The following GRIK4 variants were observed in gnomAD, a reference collection of about 807,000 sequenced individuals.
GRIK4 encodes glutamate receptor ionotropic, kainate 4.
GRIK4 carries 40 observed loss-of-function variants against 104.9 expected under a neutral mutation model. The observed-to-expected ratio is 0.38, with a 90% CI of 0.30 to 0.50. The LOEUF (loss-of-function observed/expected upper bound fraction) is 0.50. GRIK4 is among the 20% of genes least tolerant of loss of function. The pLI, the probability that GRIK4 is intolerant of heterozygous loss-of-function variation, is 0.93. For missense variants in GRIK4, 1,047 were observed against 1,308.1 expected, an observed-to-expected ratio of 0.80 and a Z score of 3.08; for synonymous variants, 485 against 524.9, an observed-to-expected ratio of 0.92 and a Z score of 1.04.
At chr11:120,870,526 A>T (rs1031628160) in intron 9 of GRIK4, 1 of 152,004 alleles carries the variant, frequency 6.6e-6, no homozygotes, top group African/African-American at 2.4e-5. Flanking sequence ...GTCCTGGGAG[A>T]TGAGGCATAA....
At chr11:120,662,183 A>G (rs1180477901) in intron 3 of GRIK4, among the ~76,000 whole-genome samples, 2 of 152,188 alleles carry the variant, frequency 1.3e-5, no homozygotes, top group African/African-American at 4.8e-5. Flanking sequence ...GGCTGCCACA[A>G]CAGAGGGCTT....
intron 3 of GRIK4, among the ~76,000 whole-genome samples, chr11:120,750,350 C>CTTTTTTT (rs869135246): frequency 5.3e-5 from 4 of 76,120 alleles, no homozygotes; most frequent in Non-Finnish European, 7.0e-5. Flanking sequence ...CTAGAAATCT[C>CTTTTTTT]TTTTTTTTTT....
chr11:120,657,959 T>C (rs1430111159), intron 2 of GRIK4, among the ~76,000 whole-genome samples: 2 of 151,918 alleles, frequency 1.3e-5, no homozygotes, highest in Non-Finnish European at 2.9e-5. Flanking sequence ...CACTGGGGAG[T>C]CCCCTCGTGT....
intron 17 of GRIK4, among the ~76,000 whole-genome samples, chr11:120,961,666 G>A (rs1002732237): frequency 2.6e-5 from 4 of 152,174 alleles, no homozygotes; most frequent in African/African-American, 9.7e-5. Flanking sequence ...CGATGTGTTC[G>A]CTGTCAAGCA....
At chr11:120,768,038 T>A (rs1274536928) in intron 3 of GRIK4, among the ~76,000 whole-genome samples, 1 of 151,980 alleles carries the variant, frequency 6.6e-6, no homozygotes, top group East Asian at 1.9e-4. Context: ...AGGGTTTTTT[T>A]TTTTTGTGAT....
chr11:120,556,778 A>T (rs1206333454), intron 1 of GRIK4, among the ~76,000 whole-genome samples: 1 of 152,198 alleles, frequency 6.6e-6, no homozygotes, highest in Non-Finnish European at 1.5e-5. Flanking sequence ...TCATAATTAC[A>T]GTAATCCATC....
chr11:120,882,528 A>G (rs1421744958), intron 11 of GRIK4, among the ~76,000 whole-genome samples: 1 of 152,144 alleles, frequency 6.6e-6, no homozygotes, highest in East Asian at 1.9e-4. Flanking sequence ...AAACTTCGAG[A>G]CGGCAGATCC....
chr11:120,651,116 C>T (rs779141320), intron 1 of GRIK4, among the ~76,000 whole-genome samples: 3 of 152,126 alleles, frequency 2.0e-5, no homozygotes, highest in Non-Finnish European at 2.9e-5. Context: ...GGATTAATAC[C>T]AGCAAGCAGG....
intron 3 of GRIK4, among the ~76,000 whole-genome samples, chr11:120,670,241 G>A (rs955825151): frequency 2.0e-5 from 3 of 151,378 alleles, no homozygotes; most frequent in African/African-American, 7.3e-5. Flanking sequence ...AACCTTTCCT[G>A]TTAGTTTCCC....
intron 1 of GRIK4, among the ~76,000 whole-genome samples, chr11:120,520,472 A>G (rs1355697032): frequency 6.6e-6 from 1 of 152,212 alleles, no homozygotes; most frequent in Non-Finnish European, 1.5e-5. Flanking sequence ...GAGGCCATCC[A>G]GGGAAGGGCC....
At chr11:120,915,964 C>T (rs1265902768) in intron 13 of GRIK4, among the ~76,000 whole-genome samples, 1 of 152,174 alleles carries the variant, frequency 6.6e-6, no homozygotes, top group Non-Finnish European at 1.5e-5. Flanking sequence ...TCTCACTGCA[C>T]CAAAGGGGCA....
At chr11:120,933,049 G>A (rs532043339) in intron 13 of GRIK4, among the ~76,000 whole-genome samples, 23 of 152,328 alleles carry the variant, frequency 1.5e-4, no homozygotes, top group Middle Eastern at 3.4e-3. Context: ...TTCCAAGCTA[G>A]GTACTGGATT....
intron 1 of GRIK4, among the ~76,000 whole-genome samples, chr11:120,649,718 A>G (rs994878314): frequency 2.6e-5 from 4 of 152,178 alleles, no homozygotes; most frequent in African/African-American, 9.7e-5. Flanking sequence ...TCAAACACAG[A>G]CAGTCATCTG....
Position 120,671,534 on chromosome 11 carries a change from A to G in GRIK4, c.82+11134A>G, listed in dbSNP as rs184865517. Among the ~76,000 whole-genome samples the G allele has an allele frequency of 4.7e-4, 72 of 152,276 alleles. No homozygotes were observed. In the East Asian group the frequency reaches 9.1e-3, roughly 19 times the overall value. ...GGCCGCGTAAATGTCTTCTTTTGCA[A>G]TATGTCTGTTCATATCCTTTGCCCA... On this transcript the variant is annotated intron_variant, in intron 3 of 20. Transcript: ENST00000527524.
At chr11:120,528,660 C>T (rs960769891) in intron 1 of GRIK4, among the ~76,000 whole-genome samples, 4 of 152,222 alleles carry the variant, frequency 2.6e-5, no homozygotes, top group South Asian at 4.2e-4. Flanking sequence ...ACAATCATGG[C>T]GGAAGGCAAA....
rs757238836 is a variant in GRIK4 at position 120,940,325 on chromosome 11, G to A, written c.1477-22G>A. 2.6e-5 allele frequency: 39 copies of A among 1,497,174 alleles called. No individual in the cohort carries two copies. Among genetic ancestry groups the A allele is most frequent in the Non-Finnish European group, 3.3e-5 (36 of 1,077,282 alleles). 92.7% of individuals were successfully genotyped at this position (1,497,174 alleles called of 1,614,324 possible). On this transcript the variant is annotated intron_variant, in intron 13 of 20. Coordinates refer to ENST00000527524, the MANE Select transcript of GRIK4 (RefSeq NM_014619.5). The surrounding 1 kb of genome is among the most constrained non-coding windows in gnomAD (Gnocchi z 4.3). ...CTTCTCCTATGGCCACCCCACTGACGGGCTGTCTCTGTTCTTTTCAGAAAG... is the reference window on the plus strand; with the variant it reads ...CTTCTCCTATGGCCACCCCACTGACAGGCTGTCTCTGTTCTTTTCAGAAAG...
intron 1 of GRIK4, among the ~76,000 whole-genome samples, chr11:120,539,977 C>T (rs1023804493): frequency 1.3e-5 from 2 of 152,052 alleles, no homozygotes; most frequent in South Asian, 2.1e-4. Context: ...TGACAGGCAG[C>T]GAATCGTGGG....
At chr11:120,806,586 C>T (rs1008150023) in intron 4 of GRIK4, among the ~76,000 whole-genome samples, 1 of 152,212 alleles carries the variant, frequency 6.6e-6, no homozygotes, top group African/African-American at 2.4e-5. Context: ...GTGATGATAT[C>T]TTTGACTGTG....
intron 1 of GRIK4, among the ~76,000 whole-genome samples, chr11:120,649,451 C>T (rs894090866): frequency 5.9e-5 from 9 of 152,240 alleles, no homozygotes; most frequent in African/African-American, 2.2e-4. Flanking sequence ...GGGACAGGAG[C>T]TCTGTGTCTG....
Sources: allele counts gnomAD v4.1 joint callset (sites outside exome capture counted in the v4.1 genomes callset), GRCh38; gene constraint gnomAD v4.1.1; non-coding constraint Gnocchi (gnomAD v3.1); transcripts MANE v1.5; gene names NCBI Gene and HGNC (gene_info 2026-07-23, HGNC 2026-07-21).